The following ARHGDIB variants were observed in gnomAD, a reference collection of about 807,000 sequenced individuals.
ARHGDIB encodes the protein rho GDP-dissociation inhibitor 2.
Under a neutral mutation model 22.6 loss-of-function variants are expected in ARHGDIB, and 20 were observed. That is an observed-to-expected ratio of 0.88 (90% confidence interval 0.62 to 1.28). The LOEUF (loss-of-function observed/expected upper bound fraction) is 1.28. Among genes scored for constraint, ARHGDIB ranks in the 50% most tolerant of loss-of-function variants. ARHGDIB has a pLI of 0.00. For synonymous variants in ARHGDIB, 114 were observed against 96.1 expected, an observed-to-expected ratio of 1.19 and a Z score of -1.09; for missense variants, 254 against 245.4, an observed-to-expected ratio of 1.04 and a Z score of -0.23.
intron 1 of ARHGDIB, among the ~76,000 whole-genome samples, chr12:14,954,958 A>T (rs1389077762): frequency 6.6e-6 from 1 of 152,206 alleles, no homozygotes; most frequent in East Asian, 1.9e-4. Flanking sequence ...ATGCAATAAA[A>T]TTCATCTTTA....
At chr12:14,947,197 GT>G (rs1234405430) in intron 4 of ARHGDIB, among the ~76,000 whole-genome samples, 4 of 152,170 alleles carry the variant, frequency 2.6e-5, no homozygotes, top group Non-Finnish European at 5.9e-5. Flanking sequence ...TAACTTATTT[GT>G]TTTCAAAGTC....
intron 1 of ARHGDIB, among the ~76,000 whole-genome samples, chr12:14,951,930 C>G (rs1864185560): frequency 6.6e-6 from 1 of 151,858 alleles, no homozygotes. Context: ...GGAAGAAGTC[C>G]CTCTGGGAAG....
chr12:14,954,893 A>G (rs1864266971), intron 1 of ARHGDIB, among the ~76,000 whole-genome samples: 2 of 152,204 alleles, frequency 1.3e-5, no homozygotes, highest in Non-Finnish European at 2.9e-5. Context: ...TTGCTTCACT[A>G]ACATTTTTAC....
intron 1 of ARHGDIB, among the ~76,000 whole-genome samples, chr12:14,952,155 CAGGAGTGAAGATA>C (rs1864191012): frequency 6.6e-6 from 1 of 151,730 alleles, no homozygotes; most frequent in African/African-American, 2.4e-5. Context: ...TAAAGTCTCC[CAGGAGTGAAGATA>C]TCTCTGGCCA....
chr12:14,953,608 A>G (rs1248544565), intron 1 of ARHGDIB, among the ~76,000 whole-genome samples: 1 of 150,706 alleles, frequency 6.6e-6, no homozygotes, highest in Non-Finnish European at 1.5e-5. Context: ...TAAAAATCTG[A>G]TAAACATTAT....
chr12:14,945,149 G>A (rs557984904), intron 4 of ARHGDIB, among the ~76,000 whole-genome samples: 1 of 152,188 alleles, frequency 6.6e-6, no homozygotes, highest in East Asian at 1.9e-4. Context: ...TTTCTCAATG[G>A]TCCCAAGAAT....
intron 1 of ARHGDIB, 75 bp from the exon 2 acceptor site, chr12:14,950,799 G>T: frequency 2.3e-6 from 3 of 1,279,970 alleles, no homozygotes; most frequent in Non-Finnish European, 3.2e-6. Context: ...GCTGTTAGCA[G>T]CCTCCTTACC....
At chr12:14,945,236 T>C (rs1157044849) in intron 4 of ARHGDIB, among the ~76,000 whole-genome samples, 4 of 152,170 alleles carry the variant, frequency 2.6e-5, no homozygotes, top group Non-Finnish European at 4.4e-5. Flanking sequence ...AAGATACCAA[T>C]AGAGCACATT....
chr12:14,959,409 G>T (rs923771764), intron 1 of ARHGDIB, among the ~76,000 whole-genome samples: 58 of 152,274 alleles, frequency 3.8e-4, no homozygotes, highest in African/African-American at 1.4e-3. Flanking sequence ...AGGCATTGTG[G>T]CTATTGATCC....
chr12:14,942,872 CTT>C lies in ARHGDIB; in HGVS notation c.407-153_407-152del, dbSNP rs374342478. 2,992 of 517,526 alleles carry C rather than the reference CTT, an allele frequency of 5.8e-3. 2 individuals carry two copies. The highest frequency in any genetic ancestry group is 6.4e-3 in the East Asian group (174 of 26,988). 32.1% of individuals were successfully genotyped at this position (517,526 alleles called of 1,614,324 possible). On this transcript the variant is annotated intron_variant, in intron 5 of 5. Transcript: ENST00000228945. ...TAAACATTAGATTTACCTGAGGCAT[CTT>C]TTTTTTTTTTTAAGATGGAGTTTTG...
intron 1 of ARHGDIB, among the ~76,000 whole-genome samples, chr12:14,954,011 C>T: frequency 6.7e-6 from 1 of 150,120 alleles, no homozygotes; most frequent in East Asian, 2.0e-4. Flanking sequence ...CATAGTTTTA[C>T]TCTGTCACCC....
chr12:14,945,235 A>G (rs750710630), intron 4 of ARHGDIB, among the ~76,000 whole-genome samples: 1 of 152,326 alleles, frequency 6.6e-6, no homozygotes, highest in Non-Finnish European at 1.5e-5. Flanking sequence ...GAAGATACCA[A>G]TAGAGCACAT....
chr12:14,944,824 C>G lies in ARHGDIB; in HGVS notation c.358G>C (p.Val120Leu). Residue 120 changes from valine to leucine, a missense_variant, in exon 5 of 6, where the codon GTG becomes CTG. Coordinates refer to ENST00000228945, the MANE Select transcript of ARHGDIB (RefSeq NM_001175.7). ...KIHFKVNRDIVSGLKYVQHTY... is the reference protein window; with the variant it reads ...KIHFKVNRDILSGLKYVQHTY... ...TGCTGAACGTATTTCAGGCCTGACA[C>G]AATATCCCTGTTCACCTGCAGGTGG... The G allele has an allele frequency of 6.2e-7, 1 of 1,613,456 alleles. No individual in the cohort carries two copies. The highest frequency in any genetic ancestry group is 8.5e-7 in the Non-Finnish European group (1 of 1,179,666).
chr12:14,944,947 T>A (rs1863976442), intron 4 of ARHGDIB, 108 bp from the exon 5 acceptor site: 5 of 878,068 alleles, frequency 5.7e-6, no homozygotes, highest in Non-Finnish European at 8.6e-6. Context: ...ATGAAAAAAC[T>A]AAAGATTTAG....
chr12:14,942,211 C>T lies in ARHGDIB; in HGVS notation c.*311G>A, dbSNP rs1863878792. 1 of 323,138 alleles carries T rather than the reference C, an allele frequency of 3.1e-6. No individual in the cohort carries two copies. The highest frequency in any genetic ancestry group is 4.2e-5 in the Admixed American group (1 of 23,532). The allele number at this position is 323,138 out of a possible 1,614,324, so 20.0% of individuals were successfully genotyped here. A position where few individuals can be genotyped will look rare whatever the true frequency, so the allele number is the denominator to read the frequency against. On this transcript the variant is annotated 3_prime_UTR_variant, in exon 6 of 6. Coordinates refer to ENST00000228945, the MANE Select transcript of ARHGDIB (RefSeq NM_001175.7). ...CAAAGACCTGTTAGTGATAATTTGC[C>T]CATTTTCTGGCCTCTAGTTGCTTGA...
intron 1 of ARHGDIB, among the ~76,000 whole-genome samples, chr12:14,956,616 A>G (rs1864305944): frequency 6.6e-6 from 1 of 152,206 alleles, no homozygotes; most frequent in Non-Finnish European, 1.5e-5. Context: ...ATGAACAGTT[A>G]TATGTTTAAC....
intron 1 of ARHGDIB, among the ~76,000 whole-genome samples, chr12:14,958,712 G>C (rs976304082): frequency 1.6e-4 from 25 of 152,216 alleles, no homozygotes; most frequent in African/African-American, 5.5e-4. Flanking sequence ...AGAATTGAGA[G>C]AGAATTTTTT....
At chr12:14,958,085 C>T (rs1204604443) in intron 1 of ARHGDIB, among the ~76,000 whole-genome samples, 1 of 152,176 alleles carries the variant, frequency 6.6e-6, no homozygotes, top group Non-Finnish European at 1.5e-5. Context: ...CAGGCCATCT[C>T]TAAAACACTG....
chr12:14,948,054 T>C (rs1864065887), intron 3 of ARHGDIB, 105 bp from the exon 4 acceptor site: 2 of 800,194 alleles, frequency 2.5e-6, no homozygotes, highest in Admixed American at 3.7e-5. Context: ...GAGGGCAACA[T>C]GGTTCACAGG....
Sources: allele counts gnomAD v4.1 joint callset (sites outside exome capture counted in the v4.1 genomes callset), GRCh38; gene constraint gnomAD v4.1.1; transcripts MANE v1.5; gene names NCBI Gene and HGNC (gene_info 2026-07-23, HGNC 2026-07-21).